The following TUBGCP3 variants were observed in gnomAD, a reference collection of about 807,000 sequenced individuals.
The protein encoded by TUBGCP3 is tubulin gamma complex component 3.
TUBGCP3 carries 50 observed loss-of-function variants against 123.1 expected under a neutral mutation model. The ratio of observed to expected loss-of-function variants is 0.41; its 90% CI spans 0.32 to 0.51. The LOEUF (loss-of-function observed/expected upper bound fraction) is 0.51. Among genes scored for constraint, TUBGCP3 ranks in the 20% least tolerant of loss-of-function variants. TUBGCP3 has a pLI of 0.36. For synonymous variants in TUBGCP3, 405 were observed against 413.9 expected (o/e 0.98, Z 0.26); for missense variants, 882 against 1,127.0 (o/e 0.78, Z 3.11).
At chr13:112,533,950 T>C (rs982819162) in intron 11 of TUBGCP3, among the ~76,000 whole-genome samples, 6 of 152,050 alleles carry the variant, frequency 3.9e-5, no homozygotes, top group Non-Finnish European at 7.4e-5. Context: ...TGTAGTCTTT[T>C]ATCCCTCACT....
chr13:112,523,248 A>G, intron 13 of TUBGCP3, among the ~76,000 whole-genome samples: 1 of 152,208 alleles, frequency 6.6e-6, no homozygotes, highest in East Asian at 1.9e-4. Flanking sequence ...AGACTGAGAG[A>G]AGGAGGCAAA....
chr13:112,572,642 C>T (rs9604362), intron 1 of TUBGCP3, among the ~76,000 whole-genome samples: 3 of 152,068 alleles, frequency 2.0e-5, no homozygotes, highest in African/African-American at 7.3e-5. Flanking sequence ...GAGGGTGAGA[C>T]AGGGAACAGC....
intron 11 of TUBGCP3, among the ~76,000 whole-genome samples, chr13:112,533,438 C>T (rs991568902): frequency 8.5e-5 from 13 of 152,176 alleles, no homozygotes; most frequent in African/African-American, 2.9e-4. Flanking sequence ...ACTTGGGCCT[C>T]CCTTAACCAG....
intron 5 of TUBGCP3, 89 bp from the exon 6 acceptor site, chr13:112,556,313 T>C (rs769222662): frequency 1.6e-6 from 2 of 1,244,394 alleles, no homozygotes; most frequent in South Asian, 1.4e-5. Flanking sequence ...ATTACTATCG[T>C]GAATTACATA....
chr13:112,504,617 G>C lies in TUBGCP3; in HGVS notation c.2175+9C>G, dbSNP rs758974998. 6.2e-7 allele frequency: 1 copy of C among 1,610,932 alleles called. No homozygotes were observed. The highest frequency in any genetic ancestry group is 8.5e-7 in the Non-Finnish European group (1 of 1,177,976). ...TTAAACTAAAATCAACACAATGACT[G>C]AAGTGTACCTCAAATGTGATGTAAT... is the stretch of plus-strand genomic sequence containing the variant. On this transcript the variant is annotated intron_variant, in intron 18 of 21. Coordinates refer to ENST00000261965, the MANE Select transcript of TUBGCP3 (RefSeq NM_006322.6).
intron 11 of TUBGCP3, among the ~76,000 whole-genome samples, chr13:112,530,561 C>G (rs915519394): frequency 1.3e-5 from 2 of 152,216 alleles, no homozygotes; most frequent in African/African-American, 4.8e-5. Flanking sequence ...TGCGGGAGGC[C>G]CGCTTTCTCA....
intron 11 of TUBGCP3, among the ~76,000 whole-genome samples, chr13:112,531,630 A>C (rs1877584866): frequency 1.3e-5 from 2 of 152,220 alleles, no homozygotes; most frequent in South Asian, 4.1e-4. Context: ...AGTATGAACA[A>C]TAAAGAAAAT....
intron 20 of TUBGCP3, among the ~76,000 whole-genome samples, chr13:112,493,975 T>C (rs1054342215): frequency 2.0e-5 from 3 of 151,714 alleles, no homozygotes; most frequent in African/African-American, 7.3e-5. Context: ...AAACATGGCC[T>C]GGTGTGCCTG....
At position 112,587,499 on chromosome 13, in the gene TUBGCP3, G is replaced by A. The variant is rs1399801691; in HGVS notation, c.76+406C>T. ...GATGAACCCAAAGGCGCGCAGAGGC[G>A]CCCTCCCACGGCGCGTGACACCAGA... On this transcript the variant is annotated intron_variant, in intron 1 of 21. Coordinates refer to ENST00000261965, the MANE Select transcript of TUBGCP3 (RefSeq NM_006322.6). 3.9e-5 allele frequency among the ~76,000 whole-genome samples: 6 copies of A among 152,370 alleles called. No individual in the cohort carries two copies. The East Asian group carries it at 1.2e-3, about 29-fold the overall frequency.
At chr13:112,526,397 CCATCAA>C (rs1156295865) in intron 13 of TUBGCP3, among the ~76,000 whole-genome samples, 2 of 151,124 alleles carry the variant, frequency 1.3e-5, no homozygotes, top group African/African-American at 2.4e-5. Flanking sequence ...ACCATCATCA[CCATCAA>C]CATCATCACC....
Position 112,558,377 on chromosome 13 carries a change from G to A in TUBGCP3, c.367C>T (p.Pro123Ser), listed in dbSNP as rs371426087. ...SYATLFAQAL[P>S]RDAHSTPYYY... ...TAAGGGGTTGAGTGGGCATCTCTTG[G>A]TAAGGCCTGAGCAAATAACGTAGCA... Residue 123 changes from proline (P) to serine (S), a missense_variant, in exon 5 of 22, where the codon CCA becomes TCA. Around this residue, in one of 3 missense-constraint regions of TUBGCP3, gnomAD observed 713 missense variants for 874.0 expected, o/e 0.82. Coordinates refer to ENST00000261965, the MANE Select transcript of TUBGCP3 (RefSeq NM_006322.6). 50 of 1,601,758 alleles carry A rather than the reference G, an allele frequency of 3.1e-5. No homozygotes were observed. Among genetic ancestry groups the A allele is most frequent in the Non-Finnish European group, 4.3e-5 (50 of 1,170,034 alleles).
intron 1 of TUBGCP3, chr13:112,584,209 T>C (rs1388107279): frequency 6.6e-6 from 1 of 152,224 alleles, no homozygotes; most frequent in African/African-American, 2.4e-5. Context: ...TCAAACTCTT[T>C]GGTCTCAGGG....
chr13:112,549,738 C>A (rs1249930155), intron 8 of TUBGCP3, among the ~76,000 whole-genome samples: 1 of 151,928 alleles, frequency 6.6e-6, no homozygotes, highest in African/African-American at 2.4e-5. Flanking sequence ...GCCTGTAATC[C>A]TAGCACTTTG....
intron 1 of TUBGCP3, among the ~76,000 whole-genome samples, chr13:112,571,439 T>C (rs1235704913): frequency 6.6e-6 from 1 of 152,198 alleles, no homozygotes; most frequent in African/African-American, 2.4e-5. Flanking sequence ...CAGTAAACCA[T>C]GCTATAAAAA....
chr13:112,565,038 A>G, intron 3 of TUBGCP3, 73 bp downstream of exon 3: 2 of 1,283,230 alleles, frequency 1.6e-6, no homozygotes, highest in Non-Finnish European at 2.1e-6. Context: ...CACAAAAAAC[A>G]TTCAAAGGTT....
rs541189201 is a variant in TUBGCP3, at chr13:112,543,107, G to A, written c.1335+2592C>T. 1.8e-4 allele frequency among the ~76,000 whole-genome samples: 27 copies of A among 152,214 alleles called. No homozygotes were observed. The East Asian group carries it at 5.0e-3, about 28-fold the overall frequency. On this transcript the variant is annotated intron_variant, in intron 11 of 21. Transcript: ENST00000261965. ...GGAGGTTGCAGTGAGCTGAGATCGCGCCACTGCACTCCAGCCTGGACAACA... is the reference window on the plus strand; with the variant it reads ...GGAGGTTGCAGTGAGCTGAGATCGCACCACTGCACTCCAGCCTGGACAACA...
chr13:112,487,075 G>C (rs950252340), intron 21 of TUBGCP3, among the ~76,000 whole-genome samples: 1 of 147,992 alleles, frequency 6.8e-6, no homozygotes, highest in Non-Finnish European at 1.5e-5. Context: ...GTGTGTGTGT[G>C]TGTGTGTCTG....
chr13:112,591,952 T>A (rs1439268232), upstream of TUBGCP3, among the ~76,000 whole-genome samples: 1 of 152,202 alleles, frequency 6.6e-6, no homozygotes, highest in Non-Finnish European at 1.5e-5. Context: ...CAAAGATCCC[T>A]GGCCCAGGAG....
chr13:112,489,763 GAA>G, intron 20 of TUBGCP3, 66 bp from the exon 21 acceptor site: 1 of 1,339,382 alleles, frequency 7.5e-7, no homozygotes, highest in South Asian at 1.2e-5. Flanking sequence ...GAGTAGGGCT[GAA>G]AACAGGTATG....
Sources: gnomAD v4.1 joint callset for allele counts (sites outside exome capture counted in the v4.1 genomes callset) on GRCh38, gnomAD v4.1.1 for gene constraint, gnomAD v4.1.1 regional missense constraint, MANE v1.5 for transcripts, NCBI Gene and HGNC (gene_info 2026-07-23, HGNC 2026-07-21) for gene names.